The following RANBP2 variants were observed in gnomAD, a reference collection of about 807,000 sequenced individuals.
The protein encoded by RANBP2 is RAN binding protein 2, also known as E3 SUMO-protein ligase RanBP2.
In RANBP2, 57 loss-of-function variants were observed where a neutral mutation model predicts 303.6. The ratio of observed to expected loss-of-function variants is 0.19; its 90% CI spans 0.15 to 0.23. The LOEUF (loss-of-function observed/expected upper bound fraction) is 0.23. RANBP2 is among the 10% of genes least tolerant of loss of function. The pLI, the probability that RANBP2 is intolerant of heterozygous loss-of-function variation, is 1.00. For missense variants in RANBP2, 3,138 were observed against 3,780.8 expected, an observed-to-expected ratio of 0.83 and a Z score of 4.46; for synonymous variants, 1,167 against 1,301.5, an observed-to-expected ratio of 0.90 and a Z score of 2.23.
At chr2:109,664,370 C>A in the RANBP2 span, among the ~76,000 whole-genome samples, 1 of 152,032 alleles carries the variant, frequency 6.6e-6, no homozygotes, top group Non-Finnish European at 1.5e-5. Context: ...TTTTGGGAGG[C>A]CGAGGCGGGC....
At chr2:109,672,723 G>A in the RANBP2 span, among the ~76,000 whole-genome samples, 24 of 152,030 alleles carry the variant, frequency 1.6e-4, 1 homozygote, top group Admixed American at 5.9e-4. Flanking sequence ...CGGTAATTTT[G>A]ACACTTTTAA....
chr2:109,335,348 T>C, the RANBP2 span, among the ~76,000 whole-genome samples: 30 of 152,200 alleles, frequency 2.0e-4, no homozygotes, highest in Admixed American at 2.0e-3. Flanking sequence ...AAACTCTCAA[T>C]GGCGTTTATT....
At chr2:109,535,717 G>A in the RANBP2 span, among the ~76,000 whole-genome samples, 6 of 152,284 alleles carry the variant, frequency 3.9e-5, no homozygotes, top group South Asian at 8.3e-4. Context: ...AAGAGAGAGT[G>A]GACCTTGAAA....
chr2:109,362,504 G>A, the RANBP2 span, among the ~76,000 whole-genome samples: 195 of 152,290 alleles, frequency 1.3e-3, no homozygotes, highest in African/African-American at 4.4e-3. Flanking sequence ...CCTGGTGAAT[G>A]TTCCCTGTGG....
At chr2:109,490,674 C>T in the RANBP2 span, 3 of 1,523,190 alleles carry the variant, frequency 2.0e-6, no homozygotes, top group Non-Finnish European at 2.6e-6. Context: ...ACGCTCCCCG[C>T]CATCTGTGTC....
At chr2:109,529,074 C>A in the RANBP2 span, among the ~76,000 whole-genome samples, 3 of 152,152 alleles carry the variant, frequency 2.0e-5, no homozygotes, top group Non-Finnish European at 2.9e-5. Flanking sequence ...GGAAACAAGC[C>A]CAGAGGCCAT....
the RANBP2 span, among the ~76,000 whole-genome samples, chr2:109,284,499 C>G: frequency 2.6e-5 from 4 of 152,196 alleles, no homozygotes; most frequent in Non-Finnish European, 5.9e-5. Context: ...ACTCTCCTCT[C>G]GTCCAGCCTT....
At chr2:109,593,697 C>T in the RANBP2 span, among the ~76,000 whole-genome samples, 4 of 152,116 alleles carry the variant, frequency 2.6e-5, no homozygotes, top group Non-Finnish European at 4.4e-5. Flanking sequence ...AGCCACCACG[C>T]CTGGCCTTTT....
chr2:108,939,344 A>T, the RANBP2 span, among the ~76,000 whole-genome samples: 2 of 151,946 alleles, frequency 1.3e-5, no homozygotes, highest in African/African-American at 4.8e-5. Flanking sequence ...GCGCCACCAC[A>T]CTTGGCTAAT....
At chr2:109,692,750 G>C in the RANBP2 span, among the ~76,000 whole-genome samples, 51 of 152,086 alleles carry the variant, frequency 3.4e-4, no homozygotes, top group African/African-American at 1.1e-3. Flanking sequence ...AGAGGGAAGG[G>C]CCCACATGCG....
the RANBP2 span, among the ~76,000 whole-genome samples, chr2:108,925,865 C>A: frequency 6.6e-6 from 1 of 152,158 alleles, no homozygotes; most frequent in African/African-American, 2.4e-5. Context: ...ATCCACCTGC[C>A]TTGGCATCCC....
At chr2:108,890,733 C>CT in the RANBP2 span, among the ~76,000 whole-genome samples, 2 of 152,100 alleles carry the variant, frequency 1.3e-5, no homozygotes, top group African/African-American at 4.8e-5. Flanking sequence ...AAGTTTTCAT[C>CT]TATTATTTTA....
chr2:109,392,395 T>C, the RANBP2 span, among the ~76,000 whole-genome samples: 81,856 of 152,014 alleles, frequency 0.54, 22,710 homozygotes, highest in African/African-American at 0.65. Context: ...TCAGTTTCCT[T>C]ATCTGTAAAA....
the RANBP2 span, among the ~76,000 whole-genome samples, chr2:109,015,118 C>CAAAAAAAAAAA: frequency 2.8e-4 from 19 of 68,812 alleles, 1 homozygote; most frequent in East Asian, 8.8e-4. Context: ...GACTCCATCT[C>CAAAAAAAAAAA]AAAAAAAAAA....
the RANBP2 span, among the ~76,000 whole-genome samples, chr2:109,193,467 C>A: frequency 6.6e-6 from 1 of 152,232 alleles, no homozygotes; most frequent in African/African-American, 2.4e-5. Context: ...CTCTGTGGGT[C>A]TCCCTATTCT....
At chr2:109,719,641 G>A in the RANBP2 span, among the ~76,000 whole-genome samples, 6 of 150,930 alleles carry the variant, frequency 4.0e-5, no homozygotes, top group East Asian at 2.0e-4. Flanking sequence ...TCTTGATCTC[G>A]TGATCCGCTA....
Position 108,765,906 on chromosome 2 carries a change from T to G in RANBP2, c.5367T>G (p.Val1789=), listed in dbSNP as rs200692090. 3.5e-4 allele frequency: 565 copies of G among 1,614,210 alleles called. 5 individuals carry two copies. The South Asian group carries it at 6.0e-3, about 17-fold the overall frequency. ...FIRKGQWDCS[V]CCVQNESSSL... The stretch of plus-strand genomic sequence containing the variant: ...GGAAAGGACAGTGGGATTGTAGTGT[T>G]TGCTGTGTACAAAATGAGAGTTCTT... The change falls in exon 20 of 29, where the codon GTT becomes GTG. Residue 1789 remains valine (V), a synonymous_variant. Coordinates refer to ENST00000283195, the MANE Select transcript of RANBP2 (RefSeq NM_006267.5).
chr2:109,655,077 A>G, the RANBP2 span, among the ~76,000 whole-genome samples: 4 of 151,550 alleles, frequency 2.6e-5, no homozygotes, highest in Middle Eastern at 3.2e-3. Flanking sequence ...TAATTTTTGT[A>G]TTTTTAGTAG....
the RANBP2 span, among the ~76,000 whole-genome samples, chr2:109,317,412 G>A: frequency 8.6e-5 from 13 of 152,026 alleles, no homozygotes; most frequent in Non-Finnish European, 1.5e-4. Flanking sequence ...CCCTGTTAGC[G>A]CTCAGAAGGG....
Sources: gnomAD v4.1 joint callset for allele counts (sites outside exome capture counted in the v4.1 genomes callset) on GRCh38, gnomAD v4.1.1 for gene constraint, MANE v1.5 for transcripts, NCBI Gene and HGNC (gene_info 2026-07-23, HGNC 2026-07-21) for gene names.